Variants in GREB1 observed in about 807,000 individuals in gnomAD.
GREB1 encodes protein GREB1.
GREB1 carries 106 observed loss-of-function variants against 200.7 expected under a neutral mutation model. That is an observed-to-expected ratio of 0.53 (90% CI 0.45 to 0.62). GREB1 has a LOEUF of 0.62. GREB1 is among the 20% of genes least tolerant of loss of function. The pLI, the probability that GREB1 is intolerant of heterozygous loss-of-function variation, is 0.00. For missense variants in GREB1, 2,243 were observed against 2,556.8 expected (o/e 0.88, Z 2.65); for synonymous variants, 1,132 against 1,092.4 (o/e 1.04, Z -0.72).
intron 27 of GREB1, 65 bp from the exon 28 acceptor site, chr2:11,632,824 G>A: frequency 1.4e-6 from 2 of 1,441,952 alleles, no homozygotes; most frequent in Non-Finnish European, 1.9e-6. Flanking sequence ...AGGTCTGCCT[G>A]GGGTCTGTCT....
At chr2:11,531,509 GAA>G (rs199595510), upstream of GREB1, among the ~76,000 whole-genome samples, 2 of 151,022 alleles carry the variant, frequency 1.3e-5, no homozygotes, top group South Asian at 4.2e-4. Flanking sequence ...TTAGAAACAA[GAA>G]AAAAAAATTG....
At chr2:11,497,951 G>T (rs1672930807) in intron 1 of GREB1, among the ~76,000 whole-genome samples, 1 of 126,958 alleles carries the variant, frequency 7.9e-6, no homozygotes, top group African/African-American at 3.0e-5. Context: ...CCTCTTAACA[G>T]GGTCTTTTGC....
At chr2:11,587,870 T>G in intron 9 of GREB1, 1 of 1,004,500 alleles carries the variant, frequency 1.0e-6, no homozygotes, top group Non-Finnish European at 1.2e-6. Context: ...AGGTAAAGAA[T>G]GGTGGAAAGA....
chr2:11,570,398 C>CA (rs1401824834), intron 4 of GREB1, among the ~76,000 whole-genome samples: 1 of 129,902 alleles, frequency 7.7e-6, no homozygotes, highest in Non-Finnish European at 1.5e-5. Flanking sequence ...AGTGAAACTC[C>CA]ATTAAAAAAA....
chr2:11,483,243 T>C, intron 1 of GREB1, among the ~76,000 whole-genome samples: 1 of 144,874 alleles, frequency 6.9e-6, no homozygotes, highest in African/African-American at 2.7e-5. Flanking sequence ...CGTGTGCGTG[T>C]ATGGGTGTGC....
intron 1 of GREB1, among the ~76,000 whole-genome samples, chr2:11,489,752 A>G (rs1483326636): frequency 6.6e-6 from 1 of 152,018 alleles, no homozygotes; most frequent in Non-Finnish European, 1.5e-5. Flanking sequence ...TATAGCCACC[A>G]CTTCTTGACA....
intron 7 of GREB1, chr2:11,581,037 G>A: frequency 1.4e-6 from 1 of 704,180 alleles, no homozygotes; most frequent in Non-Finnish European, 2.6e-6. Flanking sequence ...ACACTTGGGA[G>A]TTACCGTATG....
At chr2:11,547,069 C>T (rs924475256) in intron 1 of GREB1, among the ~76,000 whole-genome samples, 2 of 151,832 alleles carry the variant, frequency 1.3e-5, no homozygotes, top group African/African-American at 2.4e-5. Flanking sequence ...CTCGGCCTCC[C>T]GAGTAGCTGG....
Position 11,620,907 on chromosome 2 carries a change from C to A in GREB1, c.4047C>A (p.Ile1349=). ...RRLLLSGPPQ[I]GKTGAYLQFL... ...TTTTAACTCCTATACCTTTACAGATCGGGAAGACAGGTGCCTACCTGCAGT... is the reference window on the plus strand; with the variant it reads ...TTTTAACTCCTATACCTTTACAGATAGGGAAGACAGGTGCCTACCTGCAGT... Residue 1349 remains isoleucine (I), a splice_region_variant and synonymous_variant, in exon 23 of 33, where the codon ATC becomes ATA. Transcript: ENST00000381486. The A allele has an allele frequency of 6.2e-7, 1 of 1,600,770 alleles. No homozygotes were observed. The highest frequency in any genetic ancestry group is 8.6e-7 in the Non-Finnish European group (1 of 1,167,828).
At chr2:11,594,860 A>T (rs893244009) in intron 11 of GREB1, among the ~76,000 whole-genome samples, 4 of 151,594 alleles carry the variant, frequency 2.6e-5, no homozygotes, top group African/African-American at 9.7e-5. Context: ...CACCCGGCTA[A>T]TTTTTTTGTA....
Position 11,596,287 on chromosome 2 carries a change from T to G in GREB1, c.1954+48T>G, listed in dbSNP as rs771423676. 7.0e-5 allele frequency: 109 copies of G among 1,566,970 alleles called. 3 individuals are homozygous for G. The highest frequency in any genetic ancestry group is 4.3e-4 in the East Asian group (19 of 44,138). On this transcript the variant is annotated intron_variant, in intron 13 of 32. Coordinates refer to ENST00000381486, the MANE Select transcript of GREB1 (RefSeq NM_014668.4). ...CCAGGGTGGAGAGGGTACAAAGTAG[T>G]GATGAGGGGCAGGGTCAGTGGGCGC...
At chr2:11,585,295 C>T in intron 8 of GREB1, 21 bp downstream of exon 8, 1 of 1,410,956 alleles carries the variant, frequency 7.1e-7, no homozygotes, top group East Asian at 2.4e-5. Flanking sequence ...GCAGCCTTGC[C>T]CAGAATTCCA....
At position 11,580,608 on chromosome 2, in the gene GREB1, G is replaced by T. The variant is rs567688325; in HGVS notation, c.773-96G>T. 1 of 1,424,822 alleles carries T rather than the reference G, an allele frequency of 7.0e-7. No individual in the cohort carries two copies. The highest frequency in any genetic ancestry group is 2.3e-5 in the East Asian group (1 of 43,708). The allele number at this position is 1,424,822 out of a possible 1,614,324, so 88.3% of individuals were successfully genotyped here. On this transcript the variant is annotated intron_variant, in intron 6 of 32. Transcript: ENST00000381486. This position sits in a 1 kb window ranked among gnomAD's most constrained non-coding sequence, Gnocchi z 4.5. ...GATGAGACTTGCTGGGGAAAAGCTAGTTTGTGAAACTGCAAGGAAAATGAT... is the reference window on the plus strand; with the variant it reads ...GATGAGACTTGCTGGGGAAAAGCTATTTTGTGAAACTGCAAGGAAAATGAT...
chr2:11,501,920 T>TTTTTTTG (rs1673056533), intron 1 of GREB1, among the ~76,000 whole-genome samples: 2 of 118,028 alleles, frequency 1.7e-5, no homozygotes, highest in Non-Finnish European at 3.5e-5. Flanking sequence ...TTTTTTTTTT[T>TTTTTTTG]TTTTTTTTTT....
In GREB1 at chr2:11,548,302, CCA is replaced by C. The variant is rs1475015881; in HGVS notation, c.-161-8149_-161-8148del. 2.0e-5 allele frequency among the ~76,000 whole-genome samples: 3 copies of C among 148,108 alleles called. No homozygotes were observed. The highest frequency in any genetic ancestry group is 2.9e-5 in the Non-Finnish European group (2 of 67,936). On this transcript the variant is annotated intron_variant, in intron 1 of 32. Coordinates refer to ENST00000381486, the MANE Select transcript of GREB1 (RefSeq NM_014668.4). The surrounding 1 kb of genome is among the most constrained non-coding windows in gnomAD (Gnocchi z 5.1). ...GACACATGCACACACGTGCACATAC[CCA>C]CATATGCACACACACGCACACACCC...
In GREB1 at chr2:11,640,579, G is replaced by GC. The variant is rs1685748225; in HGVS notation, c.*129dup. On this transcript the variant is annotated 3_prime_UTR_variant, in exon 33 of 33. Coordinates refer to ENST00000381486, the MANE Select transcript of GREB1 (RefSeq NM_014668.4). The surrounding 1 kb of genome is among the most constrained non-coding windows in gnomAD (Gnocchi z 4.6). ...GGACCCCAGGGACTGTCCAGGTGCAGCCCCTCCTAGTACACATGGGCCCCC... is the reference window on the plus strand; with the variant it reads ...GGACCCCAGGGACTGTCCAGGTGCAGCCCCCTCCTAGTACACATGGGCCCCC... 1 of 1,107,810 alleles carries GC rather than the reference G, an allele frequency of 9.0e-7. No homozygotes were observed. The highest frequency in any genetic ancestry group is 1.3e-5 in the South Asian group (1 of 74,672). The allele number at this position is 1,107,810 out of a possible 1,614,324, so 68.6% of individuals were successfully genotyped here. A position where few individuals can be genotyped will look rare whatever the true frequency, so the allele number is the denominator to read the frequency against.
chr2:11,506,292 T>C (rs2148438587), intron 1 of GREB1, among the ~76,000 whole-genome samples: 1 of 152,346 alleles, frequency 6.6e-6, no homozygotes, highest in Middle Eastern at 3.4e-3. Context: ...CAACAGGTAG[T>C]TACCATGCAG....
chr2:11,558,396 A>G (rs1676648590), intron 2 of GREB1, among the ~76,000 whole-genome samples: 1 of 152,102 alleles, frequency 6.6e-6, no homozygotes, highest in South Asian at 2.1e-4. Flanking sequence ...CTGCTGTTGG[A>G]CATGTGGCAC....
rs182777432 is a variant in GREB1 at position 11,594,843 on chromosome 2, G to A, written c.1697-408G>A. On this transcript the variant is annotated intron_variant, in intron 11 of 32. Coordinates refer to ENST00000381486, the MANE Select transcript of GREB1 (RefSeq NM_014668.4). ...GAGTGGCTGGGACTACAAGGCACCC[G>A]CCACCACACCCGGCTAATTTTTTTG... Among the ~76,000 whole-genome samples the A allele has an allele frequency of 3.7e-3, 566 of 152,052 alleles. 3 individuals are homozygous for A. Among genetic ancestry groups the A allele is most frequent in the South Asian group, 0.016 (79 of 4,800 alleles).
Sources: gnomAD v4.1 joint callset for allele counts (sites outside exome capture counted in the v4.1 genomes callset) on GRCh38, gnomAD v4.1.1 for gene constraint, Gnocchi (gnomAD v3.1) non-coding constraint, MANE v1.5 for transcripts, NCBI Gene and HGNC (gene_info 2026-07-23, HGNC 2026-07-21) for gene names.